RELN: variants seen among roughly 807,000 people sequenced by gnomAD.
RELN encodes the protein reelin.
Under a neutral mutation model 427.6 loss-of-function variants are expected in RELN, and 108 were observed. The observed-to-expected ratio is 0.25, with a 90% confidence interval of 0.22 to 0.30. RELN has a LOEUF of 0.30. Among genes scored for constraint, RELN ranks in the 10% least tolerant of loss-of-function variants. The probability of loss-of-function intolerance (pLI) is 1.00; values close to 1 mark genes in which losing one functional copy is unlikely to be tolerated. For synonymous variants in RELN, 1,524 were observed against 1,513.4 expected, an observed-to-expected ratio of 1.01 and a Z score of -0.16; for missense variants, 3,715 against 4,302.8, an observed-to-expected ratio of 0.86 and a Z score of 3.82.
intron 2 of RELN, among the ~76,000 whole-genome samples, chr7:103,914,912 C>A (rs1795451412): frequency 6.6e-6 from 1 of 152,174 alleles, no homozygotes; most frequent in Non-Finnish European, 1.5e-5. Context: ...AGTGTTTTCT[C>A]CATACTGACC....
chr7:103,496,511 T>C lies in RELN; in HGVS notation c.9193+15A>G, dbSNP rs751129372. On this transcript the variant is annotated intron_variant, in intron 56 of 64. Coordinates refer to ENST00000428762, the MANE Select transcript of RELN (RefSeq NM_005045.4). ...GCTCACAGGAAAGAAAATTGTTCAA[T>C]GTCTTGTTTCTTACCATCATCAAAA... 4 of 1,613,956 alleles carry C rather than the reference T, an allele frequency of 2.5e-6. No homozygotes were observed. Among genetic ancestry groups the C allele is most frequent in the African/African-American group, 2.7e-5 (2 of 74,926 alleles).
At chr7:103,928,364 T>C (rs1476643585) in intron 1 of RELN, among the ~76,000 whole-genome samples, 1 of 152,208 alleles carries the variant, frequency 6.6e-6, no homozygotes, top group Non-Finnish European at 1.5e-5. Flanking sequence ...AAACTTTCAA[T>C]CACCTGAGAA....
intron 2 of RELN, among the ~76,000 whole-genome samples, chr7:103,875,650 T>G (rs558221222): frequency 5.3e-5 from 8 of 152,042 alleles, no homozygotes; most frequent in Non-Finnish European, 1.0e-4. Flanking sequence ...ACCTACGACT[T>G]ACTTCTTAAA....
At chr7:103,858,056 A>T (rs1283563645) in intron 2 of RELN, among the ~76,000 whole-genome samples, 4 of 151,606 alleles carry the variant, frequency 2.6e-5, no homozygotes, top group African/African-American at 9.7e-5. Context: ...GAAGTTAACT[A>T]TGGCATCTGA....
intron 58 of RELN, 56 bp downstream of exon 58, chr7:103,491,897 A>AC: frequency 2.4e-6 from 2 of 829,860 alleles, no homozygotes; most frequent in South Asian, 1.5e-5. Context: ...CACACACACA[A>AC]CGATTTGGAT....
chr7:103,730,286 T>A (rs1237608489), intron 6 of RELN, among the ~76,000 whole-genome samples: 2 of 152,060 alleles, frequency 1.3e-5, no homozygotes, highest in Non-Finnish European at 2.9e-5. Flanking sequence ...AATCAACTAT[T>A]TATCAAGAAA....
intron 2 of RELN, among the ~76,000 whole-genome samples, chr7:103,892,782 A>G (rs1458556847): frequency 6.6e-6 from 1 of 152,216 alleles, no homozygotes; most frequent in Non-Finnish European, 1.5e-5. Context: ...CATTTCCAGT[A>G]GAGACTCATA....
At chr7:103,940,065 T>C (rs1457047715) in intron 1 of RELN, among the ~76,000 whole-genome samples, 9 of 152,218 alleles carry the variant, frequency 5.9e-5, no homozygotes, top group Admixed American at 1.3e-4. Flanking sequence ...CATTCGTTAA[T>C]GGTTGATGTT....
chr7:103,494,170 T>C (rs1244489985), intron 57 of RELN, among the ~76,000 whole-genome samples: 1 of 152,118 alleles, frequency 6.6e-6, no homozygotes. Context: ...GTGGTAGCAT[T>C]TGGGGAGCTT....
At chr7:103,938,928 C>T (rs764078815) in intron 1 of RELN, among the ~76,000 whole-genome samples, 23 of 151,736 alleles carry the variant, frequency 1.5e-4, no homozygotes, top group Non-Finnish European at 2.9e-4. Flanking sequence ...AGTCATTCTC[C>T]TAAAGTTTTA....
At chr7:103,610,293 G>A (rs960759837) in intron 22 of RELN, among the ~76,000 whole-genome samples, 1 of 152,100 alleles carries the variant, frequency 6.6e-6, no homozygotes, top group Non-Finnish European at 1.5e-5. Context: ...TTAAGCTTTT[G>A]ATATACAAAA....
chr7:103,794,530 C>T (rs1792249817), intron 3 of RELN, among the ~76,000 whole-genome samples: 1 of 152,166 alleles, frequency 6.6e-6, no homozygotes, highest in South Asian at 2.1e-4. Context: ...ACATGCATAT[C>T]TAAGTTGCAA....
intron 4 of RELN, 57 bp from the exon 5 acceptor site, chr7:103,753,271 G>A: frequency 6.4e-7 from 1 of 1,554,856 alleles, no homozygotes; most frequent in South Asian, 1.1e-5. Flanking sequence ...GCAAAATCCA[G>A]TAATAAAGAG....
chr7:103,704,417 G>A (rs1056782315), intron 8 of RELN, among the ~76,000 whole-genome samples: 14 of 152,104 alleles, frequency 9.2e-5, no homozygotes, highest in Non-Finnish European at 2.1e-4. Flanking sequence ...TAGGAACACA[G>A]ATTATAATGC....
intron 3 of RELN, among the ~76,000 whole-genome samples, chr7:103,792,795 T>A (rs1169704189): frequency 6.6e-6 from 1 of 152,090 alleles, no homozygotes; most frequent in Admixed American, 6.6e-5. Context: ...GAATTATATC[T>A]CAATAAAGCT....
rs549375241 is a variant in RELN, at chr7:103,944,838, G to C, written c.227-27653C>G. Reference sequence around the variant, plus strand: ...GACACTGGCTACGCTTTGGGTGTTTGATATGGCCCCAGGCTGTTTCGGTTT... The same window carrying C: ...GACACTGGCTACGCTTTGGGTGTTTCATATGGCCCCAGGCTGTTTCGGTTT... On this transcript the variant is annotated intron_variant, in intron 1 of 64. Coordinates refer to ENST00000428762, the MANE Select transcript of RELN (RefSeq NM_005045.4). 4.6e-5 allele frequency among the ~76,000 whole-genome samples: 7 copies of C among 152,220 alleles called. No homozygotes were observed. In the South Asian group the frequency reaches 1.5e-3, roughly 32 times the overall value.
intron 24 of RELN, among the ~76,000 whole-genome samples, chr7:103,598,100 G>A (rs552426206): frequency 5.9e-5 from 9 of 152,180 alleles, no homozygotes; most frequent in Non-Finnish European, 1.2e-4. Flanking sequence ...AAAGGGTTTC[G>A]GTTATTAGAA....
intron 2 of RELN, among the ~76,000 whole-genome samples, chr7:103,909,500 G>C (rs527484616): frequency 6.8e-6 from 1 of 148,106 alleles, no homozygotes; most frequent in Non-Finnish European, 1.5e-5. Flanking sequence ...TAATTCACTC[G>C]GGAGGCTGAG....
intron 2 of RELN, among the ~76,000 whole-genome samples, chr7:103,869,704 CTA>C (rs1794282401): frequency 1.3e-5 from 2 of 152,086 alleles, no homozygotes; most frequent in African/African-American, 2.4e-5. Flanking sequence ...TTCTCATTGG[CTA>C]TAGTGTGCCT....
Sources: gnomAD v4.1 joint callset for allele counts (sites outside exome capture counted in the v4.1 genomes callset) on GRCh38, gnomAD v4.1.1 for gene constraint, MANE v1.5 for transcripts, NCBI Gene and HGNC (gene_info 2026-07-23, HGNC 2026-07-21) for gene names.